Variants in ZFYVE26 observed in about 807,000 individuals in gnomAD.
ZFYVE26 encodes the protein zinc finger FYVE domain-containing protein 26.
ZFYVE26 carries 181 observed loss-of-function variants against 276.5 expected under a neutral mutation model. The observed-to-expected ratio is 0.65, with a 90% confidence interval of 0.58 to 0.74. The LOEUF (loss-of-function observed/expected upper bound fraction) is 0.74, where lower values mean the gene tolerates loss of function less well. ZFYVE26 is among the 30% of genes least tolerant of loss of function. The pLI is 0.00. For missense variants in ZFYVE26, 2,821 were observed against 3,097.9 expected, an observed-to-expected ratio of 0.91 and a Z score of 2.12; for synonymous variants, 1,129 against 1,203.1, an observed-to-expected ratio of 0.94 and a Z score of 1.27.
In ZFYVE26 at chr14:67,780,231, A is replaced by T. The variant is rs770095152; in HGVS notation, c.4674+10T>A. On this transcript the variant is annotated intron_variant, in intron 23 of 41. Coordinates refer to ENST00000347230, the MANE Select transcript of ZFYVE26 (RefSeq NM_015346.4). ...AGGATGAAGGGGAACACCACCCAGGAAAACGGTACCTGTGCTTCTAGAATC... is the reference window on the plus strand; with the variant it reads ...AGGATGAAGGGGAACACCACCCAGGTAAACGGTACCTGTGCTTCTAGAATC... 1 of 1,612,692 alleles carries T rather than the reference A, an allele frequency of 6.2e-7. No individual in the cohort carries two copies. The highest frequency in any genetic ancestry group is 2.2e-5 in the East Asian group (1 of 44,852).
intron 20 of ZFYVE26, among the ~76,000 whole-genome samples, chr14:67,783,842 G>T (rs1036134352): frequency 1.3e-5 from 2 of 152,038 alleles, no homozygotes; most frequent in Non-Finnish European, 2.9e-5. Flanking sequence ...CTGATCTGTT[G>T]GTACTATATA....
At chr14:67,768,367 G>A in intron 30 of ZFYVE26, 150 bp downstream of exon 30, 1 of 866,778 alleles carries the variant, frequency 1.2e-6, no homozygotes, top group Admixed American at 1.7e-5. Flanking sequence ...GAGGAAACAG[G>A]CTGATACAAA....
chr14:67,753,659 G>A lies in ZFYVE26; in HGVS notation c.7188+48C>T, dbSNP rs372291588. On this transcript the variant is annotated intron_variant, in intron 39 of 41. Coordinates refer to ENST00000347230, the MANE Select transcript of ZFYVE26 (RefSeq NM_015346.4). ...AAGAATAATCTCTCCCGGAACTGTG[G>A]TCAGGTGCTGATTGTCCTCAGTATG... 19 of 1,580,530 alleles carry A rather than the reference G, an allele frequency of 1.2e-5. No homozygotes were observed. In the African/African-American group the frequency reaches 2.6e-4, roughly 21 times the overall value.
Position 67,789,317 on chromosome 14 carries a change from C to G in ZFYVE26, c.3019+18G>C. The G allele has an allele frequency of 6.2e-7, 1 of 1,613,908 alleles. No individual in the cohort carries two copies. The highest frequency in any genetic ancestry group is 8.5e-7 in the Non-Finnish European group (1 of 1,180,024). ...CTCATTTGAGAATGAAGGGATACAG[C>G]TAACACAGCACACTCACCCCGCCTT... On this transcript the variant is annotated intron_variant, in intron 16 of 41. Coordinates refer to ENST00000347230, the MANE Select transcript of ZFYVE26 (RefSeq NM_015346.4).
chr14:67,768,378 T>C, intron 30 of ZFYVE26, 139 bp downstream of exon 30: 2 of 938,094 alleles, frequency 2.1e-6, no homozygotes, highest in Non-Finnish European at 3.5e-6. Context: ...CTGATACAAA[T>C]GCCAAGAATT....
rs73278493 is a variant in ZFYVE26 at position 67,790,534 on chromosome 14, C to T, written c.2755+38G>A. On this transcript the variant is annotated intron_variant, in intron 15 of 41. Transcript: ENST00000347230. Reference sequence around the variant, plus strand: ...TCTCCCCTTTTACCCCCTCTCCCAGCCACCTCACCACTTATGGTGTTAGCA... The same window carrying T: ...TCTCCCCTTTTACCCCCTCTCCCAGTCACCTCACCACTTATGGTGTTAGCA... The T allele has an allele frequency of 3.9e-3, 6,312 of 1,609,060 alleles. 227 individuals are homozygous for T. In the African/African-American group the frequency reaches 0.073, roughly 19 times the overall value.
chr14:67,809,434 T>TTTTTTTTTTTTTTTTTTTTTTG (rs2040252546), intron 3 of ZFYVE26, 145 bp from the exon 4 acceptor site: 1 of 568,830 alleles, frequency 1.8e-6, no homozygotes, highest in African/African-American at 2.3e-5. Flanking sequence ...TTTTTTTTTT[T>TTTTTTTTTTTTTTTTTTTTTTG]TATTTTGAGA....
intron 35 of ZFYVE26, among the ~76,000 whole-genome samples, chr14:67,759,979 A>G (rs1406960156): frequency 1.3e-5 from 2 of 152,182 alleles, no homozygotes; most frequent in Non-Finnish European, 2.9e-5. Context: ...TCCTCTCCCT[A>G]CCTGCTTGAG....
In ZFYVE26 at chr14:67,785,819, G is replaced by T. The variant is rs772238124; in HGVS notation, c.3304+39C>A. The T allele has an allele frequency of 2.7e-5, 43 of 1,613,392 alleles. No individual in the cohort carries two copies. In the South Asian group the frequency reaches 4.3e-4, roughly 16 times the overall value. On this transcript the variant is annotated intron_variant, in intron 18 of 41. Transcript: ENST00000347230. ...TACTCTCAGCTGTTTCCTCTCCCCA[G>T]TTCAGCTTTTATTTGTTCCCAAGCA...
chr14:67,808,026 CG>C, intron 4 of ZFYVE26, 106 bp from the exon 5 acceptor site: 1 of 1,343,076 alleles, frequency 7.4e-7, no homozygotes, highest in South Asian at 1.3e-5. Context: ...ATAATAGTGG[CG>C]GTAACAAATA....
At position 67,761,447 on chromosome 14, in the gene ZFYVE26, G is replaced by A. The variant is rs151192916; in HGVS notation, c.6507C>T (p.Asn2169=). The A allele has an allele frequency of 1.7e-4, 282 of 1,614,098 alleles. No individual in the cohort carries two copies. Among genetic ancestry groups the A allele is most frequent in the Non-Finnish European group, 2.3e-4 (266 of 1,180,040 alleles). Reference sequence around the variant, plus strand: ...TGATGATGGCCAGGTTGGTGCTATAGTTGTGCAGGTAGAAGAGGCATTCCT... The same window carrying A: ...TGATGATGGCCAGGTTGGTGCTATAATTGTGCAGGTAGAAGAGGCATTCCT... ...YYQECLFYLH[N]YSTNLAIISF... is the part of the protein sequence containing the mutation. Residue 2169 remains asparagine (N), a synonymous_variant, in exon 35 of 42, where the codon AAC becomes AAT. Coordinates refer to ENST00000347230, the MANE Select transcript of ZFYVE26 (RefSeq NM_015346.4).
In ZFYVE26 at chr14:67,748,254, T is replaced by C. The variant is rs550304997; in HGVS notation, c.*182A>G. The C allele has an allele frequency of 3.1e-5, 20 of 647,970 alleles. No individual in the cohort carries two copies. In the South Asian group the frequency reaches 3.5e-4, roughly 11 times the overall value. The allele number at this position is 647,970 out of a possible 1,614,324, so 40.1% of individuals were successfully genotyped here. ...TAGATTCCACAATTTTAGAGAAACA[T>C]GGCACTTGCGTGAAAGGTCCTATCC... On this transcript the variant is annotated 3_prime_UTR_variant, in exon 42 of 42. Transcript: ENST00000347230.
At chr14:67,795,961 G>A (rs920782036) in intron 12 of ZFYVE26, among the ~76,000 whole-genome samples, 19 of 152,108 alleles carry the variant, frequency 1.2e-4, no homozygotes, top group African/African-American at 4.6e-4. Flanking sequence ...CTGAAGCAAT[G>A]AAACATCACT....
chr14:67,731,473 CCAAAG>C (rs1412225583), intron 13 of ZFYVE26, among the ~76,000 whole-genome samples: 1 of 151,974 alleles, frequency 6.6e-6, no homozygotes, highest in Non-Finnish European at 1.5e-5. Flanking sequence ...CCTCAGCCTC[CCAAAG>C]TGCTGGGATT....
downstream of ZFYVE26, among the ~76,000 whole-genome samples, chr14:67,744,360 T>C (rs186628038): frequency 1.6e-4 from 24 of 152,344 alleles, no homozygotes; most frequent in East Asian, 4.6e-3. Context: ...ACTTTAATCA[T>C]TACTGTTGTT....
chr14:67,781,536 G>T lies in ZFYVE26; in HGVS notation c.4373-7C>A. On this transcript the variant is annotated splice_polypyrimidine_tract_variant and splice_region_variant and intron_variant, in intron 21 of 41. Coordinates refer to ENST00000347230, the MANE Select transcript of ZFYVE26 (RefSeq NM_015346.4). ...TATTGCCAACCTTCTTTGTCTATAA[G>T]ACAAAAAAGATGCTCAGAGGCAGCA... is the stretch of plus-strand genomic sequence containing the variant. The T allele has an allele frequency of 6.2e-7, 1 of 1,613,888 alleles. No individual in the cohort carries two copies.
chr14:67,755,306 G>A (rs1422621411), intron 36 of ZFYVE26, 56 bp from the exon 37 acceptor site: 4 of 1,591,512 alleles, frequency 2.5e-6, no homozygotes, highest in Non-Finnish European at 2.6e-6. Flanking sequence ...TGGAGGGTGG[G>A]GTGTGATGAG....
intron 13 of ZFYVE26, among the ~76,000 whole-genome samples, chr14:67,741,324 C>A (rs1012032409): frequency 2.0e-5 from 3 of 152,172 alleles, no homozygotes. Context: ...TTATTATTTT[C>A]TTGTGCATTC....
chr14:67,814,386 G>A (rs1160804961), intron 2 of ZFYVE26, among the ~76,000 whole-genome samples: 1 of 152,162 alleles, frequency 6.6e-6, no homozygotes. Context: ...AAGTGCGGTG[G>A]CAGGCGCCTG....
Sources: gnomAD v4.1 joint callset for allele counts (sites outside exome capture counted in the v4.1 genomes callset) on GRCh38, gnomAD v4.1.1 for gene constraint, MANE v1.5 for transcripts, NCBI Gene and HGNC (gene_info 2026-07-23, HGNC 2026-07-21) for gene names.